Variants in MTF2 observed in about 807,000 individuals in gnomAD.
MTF2 encodes the protein metal response element binding transcription factor 2.
In MTF2, 11 loss-of-function variants were observed where a neutral mutation model predicts 79.5. The ratio of observed to expected loss-of-function variants is 0.14; its 90% CI spans 0.09 to 0.23. The LOEUF (loss-of-function observed/expected upper bound fraction) is 0.23, where lower values mean the gene tolerates loss of function less well. Among genes scored for constraint, MTF2 ranks in the 10% least tolerant of loss-of-function variants. The pLI is 1.00. For missense variants in MTF2, 486 were observed against 711.2 expected, an observed-to-expected ratio of 0.68 and a Z score of 3.60; for synonymous variants, 208 against 232.8, an observed-to-expected ratio of 0.89 and a Z score of 0.97.
chr1:93,110,331 G>T lies in MTF2; in HGVS notation c.107G>T (p.Gly36Val). ...TTGACCAAGCTGTCTTTACAGGATG[G>T]ACATAAAGCCAAAAAGCCAGCATGT... ...TSLTKLSLQD[G>V]HKAKKPACKF... The change falls in exon 2 of 15, where the codon GGA becomes GTA. Residue 36 changes from glycine (G) to valine (V), a missense_variant. By Grantham distance (109) the Gly-to-Val change is moderately radical. This residue lies in a region of MTF2 where 75 missense variants were observed against 83.8 expected (regional missense o/e 0.89). Transcript: ENST00000370298. 1 of 1,614,086 alleles carries T rather than the reference G, an allele frequency of 6.2e-7. No individual in the cohort carries two copies. Among genetic ancestry groups the T allele is most frequent in the Non-Finnish European group, 8.5e-7 (1 of 1,180,002 alleles).
At chr1:93,081,505 TTTAG>T (rs1174899526) in intron 1 of MTF2, among the ~76,000 whole-genome samples, 7 of 152,198 alleles carry the variant, frequency 4.6e-5, no homozygotes, top group South Asian at 4.1e-4. Flanking sequence ...TAACTGCTGT[TTTAG>T]TTAGTCGACA....
chr1:93,091,160 G>T lies in MTF2; in HGVS notation c.5+11629G>T, dbSNP rs1039740257. On this transcript the variant is annotated intron_variant, in intron 1 of 14. Transcript: ENST00000370298. Reference sequence around the variant, plus strand: ...TTTGAAGTCAGTGCTCGTATGTGACGTTTGAATTGTTATATTCAATAAACA... The same window carrying T: ...TTTGAAGTCAGTGCTCGTATGTGACTTTTGAATTGTTATATTCAATAAACA... 2.3e-4 allele frequency among the ~76,000 whole-genome samples: 35 copies of T among 152,046 alleles called. 1 individual carries two copies. The highest frequency in any genetic ancestry group is 2.3e-3 in the Admixed American group (35 of 15,250).
At chr1:93,123,470 T>C (rs1206977877) in intron 9 of MTF2, among the ~76,000 whole-genome samples, 1 of 152,102 alleles carries the variant, frequency 6.6e-6, no homozygotes, top group East Asian at 1.9e-4. Context: ...TTAGTTTATC[T>C]AAAATGTGGA....
intron 1 of MTF2, among the ~76,000 whole-genome samples, chr1:93,104,731 T>C (rs1374150692): frequency 6.6e-6 from 1 of 151,756 alleles, no homozygotes; most frequent in Non-Finnish European, 1.5e-5. Flanking sequence ...CTTTAAATAT[T>C]GGTTAGATAA....
intron 1 of MTF2, among the ~76,000 whole-genome samples, chr1:93,089,704 C>T (rs79452240): frequency 0.016 from 2,424 of 152,190 alleles, 29 homozygotes; most frequent in Non-Finnish European, 0.023. Context: ...ATGCTCTCAC[C>T]GCTATGCCTG....
intron 11 of MTF2, among the ~76,000 whole-genome samples, chr1:93,130,457 G>A (rs1249822207): frequency 6.6e-6 from 1 of 152,036 alleles, no homozygotes; most frequent in Non-Finnish European, 1.5e-5. Flanking sequence ...TTTGCCTGTA[G>A]TCCCAGCTAC....
At chr1:93,116,578 A>T (rs1656259195) in intron 6 of MTF2, among the ~76,000 whole-genome samples, 1 of 140,266 alleles carries the variant, frequency 7.1e-6, no homozygotes, top group South Asian at 2.2e-4. Context: ...GTTATAGCTC[A>T]CTCCAGCATT....
intron 7 of MTF2, among the ~76,000 whole-genome samples, chr1:93,118,998 A>G (rs1656362179): frequency 6.6e-6 from 1 of 152,228 alleles, no homozygotes; most frequent in African/African-American, 2.4e-5. Context: ...TGAGCGTTGA[A>G]TTAAACTATG....
intron 3 of MTF2, among the ~76,000 whole-genome samples, chr1:93,113,948 G>A (rs1656144589): frequency 6.6e-6 from 1 of 151,706 alleles, no homozygotes; most frequent in Admixed American, 6.6e-5. Context: ...GACAAGATGA[G>A]AATACTGGAA....
chr1:93,120,697 A>G, intron 9 of MTF2, 25 bp downstream of exon 9: 3 of 1,598,620 alleles, frequency 1.9e-6, no homozygotes, highest in Non-Finnish European at 2.6e-6. Context: ...AACTAACTTC[A>G]GTAGCTACTT....
intron 1 of MTF2, among the ~76,000 whole-genome samples, chr1:93,080,762 TC>T (rs1368557993): frequency 6.8e-6 from 1 of 148,120 alleles, no homozygotes; most frequent in Admixed American, 6.9e-5. Context: ...TCTTGGGAAT[TC>T]CTTTTTTTTT....
chr1:93,100,239 AT>A (rs1225440090), intron 1 of MTF2, among the ~76,000 whole-genome samples: 1 of 151,954 alleles, frequency 6.6e-6, no homozygotes, highest in Non-Finnish European at 1.5e-5. Context: ...TTTCACCTTA[AT>A]TTTTTTCTAT....
intron 13 of MTF2, 50 bp downstream of exon 13, chr1:93,134,030 A>G (rs1439487696): frequency 1.3e-6 from 2 of 1,547,692 alleles, no homozygotes; most frequent in South Asian, 1.2e-5. Context: ...TTTTGAGTAG[A>G]TATTAATATT....
intron 1 of MTF2, among the ~76,000 whole-genome samples, chr1:93,109,515 A>G (rs1344912975): frequency 6.6e-6 from 1 of 151,984 alleles, no homozygotes; most frequent in Admixed American, 6.6e-5. Flanking sequence ...TGTATTTTTT[A>G]GTAGACACAG....
chr1:93,126,974 A>G (rs1287468603), intron 9 of MTF2, among the ~76,000 whole-genome samples: 1 of 152,186 alleles, frequency 6.6e-6, no homozygotes, highest in Non-Finnish European at 1.5e-5. Context: ...CTTCATAAAC[A>G]TATCGTTGGA....
intron 3 of MTF2, among the ~76,000 whole-genome samples, chr1:93,112,405 G>T (rs928865715): frequency 2.0e-5 from 3 of 151,910 alleles, no homozygotes; most frequent in African/African-American, 7.2e-5. Context: ...AAAAATATTA[G>T]TAGTCAACAG....
chr1:93,093,516 A>G (rs1327677487), intron 1 of MTF2, among the ~76,000 whole-genome samples: 1 of 152,044 alleles, frequency 6.6e-6, no homozygotes, highest in East Asian at 1.9e-4. Flanking sequence ...CTTTACCACC[A>G]TCCTGGGAAT....
chr1:93,110,463 C>T, intron 2 of MTF2, 35 bp downstream of exon 2: 4 of 1,609,018 alleles, frequency 2.5e-6, no homozygotes, highest in Non-Finnish European at 2.6e-6. Flanking sequence ...GCTGTTTTTG[C>T]AGTAAGCATT....
intron 1 of MTF2, among the ~76,000 whole-genome samples, chr1:93,100,474 T>A (rs1366535346): frequency 6.6e-6 from 1 of 152,074 alleles, no homozygotes; most frequent in Non-Finnish European, 1.5e-5. Context: ...CTGGCTAATT[T>A]TTTAGTATTT....
Sources: gnomAD v4.1 joint callset for allele counts (sites outside exome capture counted in the v4.1 genomes callset) on GRCh38, gnomAD v4.1.1 for gene constraint, gnomAD v4.1.1 regional missense constraint, MANE v1.5 for transcripts, NCBI Gene and HGNC (gene_info 2026-07-23, HGNC 2026-07-21) for gene names.